The following ZNF644 variants were observed in gnomAD, a reference collection of about 807,000 sequenced individuals.
The protein encoded by ZNF644 is zinc finger motif enhancer binding protein 2.
Under a neutral mutation model 108.0 loss-of-function variants are expected in ZNF644, and 20 were observed. The ratio of observed to expected loss-of-function variants is 0.19; its 90% CI spans 0.13 to 0.27. The LOEUF is 0.27. Among genes scored for constraint, ZNF644 ranks in the 10% least tolerant of loss-of-function variants. The probability of loss-of-function intolerance (pLI) is 1.00; values close to 1 mark genes in which losing one functional copy is unlikely to be tolerated. For missense variants in ZNF644, 1,338 were observed against 1,548.9 expected (o/e 0.86, Z 2.29); for synonymous variants, 542 against 539.1 (o/e 1.01, Z -0.08).
chr1:90,970,480 T>G (rs1471804178), intron 2 of ZNF644, among the ~76,000 whole-genome samples: 1 of 152,208 alleles, frequency 6.6e-6, no homozygotes, highest in Non-Finnish European at 1.5e-5. Context: ...CCATACAACT[T>G]GTATTTGTAG....
intron 4 of ZNF644, among the ~76,000 whole-genome samples, chr1:90,920,059 T>G (rs1228710431): frequency 6.6e-6 from 1 of 152,056 alleles, no homozygotes; most frequent in African/African-American, 2.4e-5. Flanking sequence ...TGGTGAGCAA[T>G]CTGAATTTAA....
intron 1 of ZNF644, among the ~76,000 whole-genome samples, chr1:91,012,808 T>C (rs1384177142): frequency 2.0e-5 from 3 of 152,126 alleles, no homozygotes; most frequent in African/African-American, 7.2e-5. Flanking sequence ...TGAGTTGTAC[T>C]TAAGATTTGT....
At chr1:90,953,517 A>G (rs1245335347) in intron 2 of ZNF644, among the ~76,000 whole-genome samples, 2 of 151,972 alleles carry the variant, frequency 1.3e-5, no homozygotes, top group African/African-American at 2.4e-5. Context: ...CATCCTGCAC[A>G]TGTACCCTGG....
chr1:91,019,297 T>C (rs527465011), intron 1 of ZNF644, among the ~76,000 whole-genome samples: 1 of 152,198 alleles, frequency 6.6e-6, no homozygotes, highest in Admixed American at 6.5e-5. Flanking sequence ...TATTACAAAA[T>C]GAAAGACACC....
chr1:90,932,614 A>G (rs1211287257), intron 4 of ZNF644, among the ~76,000 whole-genome samples: 1 of 152,168 alleles, frequency 6.6e-6, no homozygotes, highest in Non-Finnish European at 1.5e-5. Flanking sequence ...TATAACAGTG[A>G]TATTGATATG....
intron 2 of ZNF644, among the ~76,000 whole-genome samples, chr1:90,956,874 T>G (rs1653805238): frequency 6.6e-6 from 1 of 151,936 alleles, no homozygotes; most frequent in Non-Finnish European, 1.5e-5. Flanking sequence ...ATTAAGTTGG[T>G]TCCTTAAAAA....
At chr1:90,926,850 C>T (rs535874798) in intron 4 of ZNF644, among the ~76,000 whole-genome samples, 10 of 152,142 alleles carry the variant, frequency 6.6e-5, no homozygotes, top group Admixed American at 2.0e-4. Flanking sequence ...TCCTCTCTGC[C>T]AAATCCTTTA....
At chr1:90,988,646 C>T (rs1051179587) in intron 1 of ZNF644, among the ~76,000 whole-genome samples, 2 of 152,042 alleles carry the variant, frequency 1.3e-5, no homozygotes, top group Non-Finnish European at 2.9e-5. Context: ...ATACTAAATA[C>T]AAATAGTAAT....
At chr1:91,009,524 A>G (rs1659748033) in intron 1 of ZNF644, among the ~76,000 whole-genome samples, 1 of 152,190 alleles carries the variant, frequency 6.6e-6, no homozygotes, top group Admixed American at 6.5e-5. Context: ...TAAAACAAGT[A>G]TCTATTTAAA....
intron 4 of ZNF644, among the ~76,000 whole-genome samples, chr1:90,932,087 C>G (rs1650795175): frequency 6.6e-6 from 1 of 152,096 alleles, no homozygotes; most frequent in Non-Finnish European, 1.5e-5. Context: ...ATTTAAGTTA[C>G]CAGTAAACAG....
At chr1:91,008,972 C>T (rs931922770) in intron 1 of ZNF644, among the ~76,000 whole-genome samples, 1 of 152,144 alleles carries the variant, frequency 6.6e-6, no homozygotes, top group African/African-American at 2.4e-5. Flanking sequence ...GTCTCAGCAG[C>T]TCACACCTGT....
chr1:90,984,490 C>T (rs978854011), intron 1 of ZNF644, among the ~76,000 whole-genome samples: 2 of 151,730 alleles, frequency 1.3e-5, no homozygotes, highest in African/African-American at 4.8e-5. Context: ...CAGGTTCAAG[C>T]GATTCTCGTG....
At chr1:90,965,520 T>C (rs74788764) in intron 2 of ZNF644, among the ~76,000 whole-genome samples, 1 of 152,162 alleles carries the variant, frequency 6.6e-6, no homozygotes, top group African/African-American at 2.4e-5. Context: ...ACATAAGAAT[T>C]TGGAGGAGGA....
At chr1:91,003,541 G>A (rs1022009752) in intron 1 of ZNF644, among the ~76,000 whole-genome samples, 6 of 151,886 alleles carry the variant, frequency 4.0e-5, no homozygotes. Flanking sequence ...TGGGGTGGGG[G>A]CCTGGGGGAG....
intron 4 of ZNF644, among the ~76,000 whole-genome samples, chr1:90,928,661 T>C (rs528176411): frequency 6.6e-6 from 1 of 152,174 alleles, no homozygotes; most frequent in South Asian, 2.1e-4. Flanking sequence ...CTTCCTAATT[T>C]TTTTTACCAA....
At chr1:90,926,851 A>C (rs547756871) in intron 4 of ZNF644, among the ~76,000 whole-genome samples, 1 of 152,260 alleles carries the variant, frequency 6.6e-6, no homozygotes, top group South Asian at 2.1e-4. Flanking sequence ...CCTCTCTGCC[A>C]AATCCTTTAT....
chr1:90,934,518 G>A (rs760206368), intron 4 of ZNF644, among the ~76,000 whole-genome samples: 1 of 152,042 alleles, frequency 6.6e-6, no homozygotes, highest in Non-Finnish European at 1.5e-5. Flanking sequence ...GCTGAAGCAG[G>A]GTAGCTTAAA....
intron 2 of ZNF644, among the ~76,000 whole-genome samples, chr1:90,966,014 G>C (rs926320078): frequency 6.6e-6 from 1 of 152,264 alleles, no homozygotes; most frequent in South Asian, 2.1e-4. Flanking sequence ...GCCTCCCAAA[G>C]TGCCTGGCTT....
At chr1:90,987,041 T>G (rs922668973) in intron 1 of ZNF644, among the ~76,000 whole-genome samples, 24 of 150,260 alleles carry the variant, frequency 1.6e-4, no homozygotes, top group African/African-American at 5.8e-4. Context: ...GAGAGGTTTA[T>G]GGTAGCAAAA....
Sources: gnomAD v4.1 joint callset for allele counts (sites outside exome capture counted in the v4.1 genomes callset) on GRCh38, gnomAD v4.1.1 for gene constraint, MANE v1.5 for transcripts, NCBI Gene and HGNC (gene_info 2026-07-23, HGNC 2026-07-21) for gene names.